EVC2: variants seen among roughly 807,000 people sequenced by gnomAD.
EVC2 encodes EvC ciliary complex subunit 2.
In EVC2, 148 loss-of-function variants were observed where a neutral mutation model predicts 149.3. The ratio of observed to expected loss-of-function variants is 0.99; its 90% CI spans 0.87 to 1.14. The LOEUF is 1.14. Ranked by LOEUF, EVC2 falls within the 50% of genes most tolerant of loss-of-function variation. EVC2 has a pLI of 0.00. For synonymous variants in EVC2, 776 were observed against 649.9 expected, an observed-to-expected ratio of 1.19 and a Z score of -2.95; for missense variants, 1,854 against 1,627.3, an observed-to-expected ratio of 1.14 and a Z score of -2.40.
intron 16 of EVC2, 128 bp downstream of exon 16, chr4:5,615,294 T>C: frequency 6.8e-7 from 1 of 1,470,622 alleles, no homozygotes; most frequent in African/African-American, 1.4e-5. Flanking sequence ...AGCACCTGAG[T>C]GAGTGAGCGG....
intron 4 of EVC2, 106 bp from the exon 5 acceptor site, chr4:5,689,449 G>A (rs1162369378): frequency 9.0e-7 from 1 of 1,105,482 alleles, no homozygotes; most frequent in African/African-American, 1.5e-5. Context: ...GGAAGAAGGA[G>A]GGTAGCACGG....
intron 20 of EVC2, 82 bp from the exon 21 acceptor site, chr4:5,565,441 C>G: frequency 7.7e-7 from 1 of 1,306,834 alleles, no homozygotes. Flanking sequence ...AAGGCAGAGG[C>G]GGGCAGATCA....
chr4:5,542,384 G>C (rs1297836736), downstream of EVC2, among the ~76,000 whole-genome samples: 1 of 152,230 alleles, frequency 6.6e-6, no homozygotes, highest in African/African-American at 2.4e-5. Context: ...GAGCCTGGGA[G>C]TTTGAGGCTG....
At chr4:5,596,953 T>C (rs1577136564) in intron 16 of EVC2, among the ~76,000 whole-genome samples, 2 of 152,204 alleles carry the variant, frequency 1.3e-5, no homozygotes, top group South Asian at 4.1e-4. Flanking sequence ...GCAAATAAAC[T>C]AGAAAATCTA....
chr4:5,605,200 G>C lies in EVC2; in HGVS notation c.2829+10222C>G, dbSNP rs554954068. Among the ~76,000 whole-genome samples, 3 of 152,296 alleles carry C rather than the reference G, an allele frequency of 2.0e-5. 1 individual carries two copies. The highest frequency in any genetic ancestry group is 7.2e-5 in the African/African-American group (3 of 41,562). ...TAGGATAATGGCATATTTGGGGGGA[G>C]TCAGATGTTACACACGAGTTCTACT... On this transcript the variant is annotated intron_variant, in intron 16 of 21. Coordinates refer to ENST00000344408, the MANE Select transcript of EVC2 (RefSeq NM_147127.5).
At chr4:5,641,346 T>C (rs372622896) in intron 9 of EVC2, among the ~76,000 whole-genome samples, 2 of 152,322 alleles carry the variant, frequency 1.3e-5, no homozygotes, top group East Asian at 1.9e-4. Flanking sequence ...GTATCAACGT[T>C]GATTTGTTAA....
intron 21 of EVC2, among the ~76,000 whole-genome samples, chr4:5,556,927 T>C (rs1412985099): frequency 2.6e-5 from 4 of 152,122 alleles, no homozygotes; most frequent in Admixed American, 2.6e-4. Flanking sequence ...ATAAACAATC[T>C]ATAATTGGTA....
At chr4:5,557,700 T>C (rs1225459057), downstream of EVC2, among the ~76,000 whole-genome samples, 2 of 152,044 alleles carry the variant, frequency 1.3e-5, no homozygotes, top group African/African-American at 2.4e-5. Flanking sequence ...CCAAAACTAA[T>C]TGGTGAGGAT....
chr4:5,650,485 C>T lies in EVC2; in HGVS notation c.1146-9647G>A, dbSNP rs529274886. Reference sequence around the variant, plus strand: ...ACCACATGAGCTCAGATGGTTTATTCGTATCTCTGAGCCTAGTTTCCCTGT... The same window carrying T: ...ACCACATGAGCTCAGATGGTTTATTTGTATCTCTGAGCCTAGTTTCCCTGT... On this transcript the variant is annotated intron_variant, in intron 9 of 21. Coordinates refer to ENST00000344408, the MANE Select transcript of EVC2 (RefSeq NM_147127.5). Among the ~76,000 whole-genome samples, 6 of 151,646 alleles carry T rather than the reference C, an allele frequency of 4.0e-5. No individual in the cohort carries two copies. In the South Asian group the frequency reaches 8.4e-4, roughly 21 times the overall value.
Position 5,625,059 on chromosome 4 carries a change from T to C in EVC2, c.2046+690A>G, listed in dbSNP as rs187120700. Among the ~76,000 whole-genome samples the C allele has an allele frequency of 6.6e-6, 1 of 152,024 alleles. No homozygotes were observed. The highest frequency in any genetic ancestry group is 1.5e-5 in the Non-Finnish European group (1 of 67,988). On this transcript the variant is annotated intron_variant, in intron 13 of 21. Coordinates refer to ENST00000344408, the MANE Select transcript of EVC2 (RefSeq NM_147127.5). The surrounding 1 kb of genome is among the most constrained non-coding windows in gnomAD (Gnocchi z 4.0). ...GGTTCCTCAACTCCATCTGACATGG[T>C]GCTCACCTCAGCTTCCTAAATCACA...
chr4:5,564,943 A>T (rs778010312), intron 21 of EVC2, among the ~76,000 whole-genome samples: 1 of 152,240 alleles, frequency 6.6e-6, no homozygotes, highest in Non-Finnish European at 1.5e-5. Flanking sequence ...ATGCAGCAAG[A>T]CATGAAAGGG....
At chr4:5,531,050 G>T in the EVC2 span, among the ~76,000 whole-genome samples, 2 of 152,146 alleles carry the variant, frequency 1.3e-5, no homozygotes, top group African/African-American at 4.8e-5. Flanking sequence ...CTCTGAGGGT[G>T]GTTATTACTG....
the EVC2 span, among the ~76,000 whole-genome samples, chr4:5,530,582 CATACA>C: frequency 2.0e-5 from 3 of 152,090 alleles, no homozygotes; most frequent in South Asian, 2.1e-4. Flanking sequence ...AAATGTTCAG[CATACA>C]ATACAATATT....
chr4:5,537,769 A>C, the EVC2 span, among the ~76,000 whole-genome samples: 1 of 152,156 alleles, frequency 6.6e-6, no homozygotes, highest in Non-Finnish European at 1.5e-5. Flanking sequence ...ACATTATTGA[A>C]ATTTGTGGAT....
intron 17 of EVC2, among the ~76,000 whole-genome samples, chr4:5,582,529 CTTGT>C (rs776754781): frequency 6.6e-6 from 1 of 152,194 alleles, no homozygotes; most frequent in Non-Finnish European, 1.5e-5. Context: ...AAGTAACTAA[CTTGT>C]TTTTTAATTT....
At chr4:5,550,294 A>G (rs1721711408) in intron 21 of EVC2, among the ~76,000 whole-genome samples, 1 of 152,164 alleles carries the variant, frequency 6.6e-6, no homozygotes. Flanking sequence ...AATGGCTTTG[A>G]CCAAAATACT....
intron 21 of EVC2, among the ~76,000 whole-genome samples, chr4:5,550,708 G>C (rs1156328487): frequency 2.6e-5 from 4 of 152,244 alleles, no homozygotes; most frequent in Non-Finnish European, 5.9e-5. Flanking sequence ...TGGGGAAAAT[G>C]TCTCCAGGGC....
rs191924605 is a variant in EVC2 at position 5,573,210 on chromosome 4, T to C, written c.3360+1475A>G. Among the ~76,000 whole-genome samples, 200 of 152,292 alleles carry C rather than the reference T, an allele frequency of 1.3e-3. 1 individual carries two copies. Among genetic ancestry groups the C allele is most frequent in the African/African-American group, 4.7e-3 (194 of 41,562 alleles). On this transcript the variant is annotated intron_variant, in intron 19 of 21. Coordinates refer to ENST00000344408, the MANE Select transcript of EVC2 (RefSeq NM_147127.5). Reference sequence around the variant, plus strand: ...TGTCCCATCCTGGGACCTGCGAAGATGTCACCTTATAAGGCGAAGGGTACT... The same window carrying C: ...TGTCCCATCCTGGGACCTGCGAAGACGTCACCTTATAAGGCGAAGGGTACT...
chr4:5,704,933 C>G (rs1455824567), intron 1 of EVC2, among the ~76,000 whole-genome samples: 2 of 152,030 alleles, frequency 1.3e-5, no homozygotes, highest in African/African-American at 4.8e-5. Context: ...TGCTTTTGAA[C>G]TCCTGACCTC....
Sources: allele counts gnomAD v4.1 joint callset (sites outside exome capture counted in the v4.1 genomes callset), GRCh38; gene constraint gnomAD v4.1.1; non-coding constraint Gnocchi (gnomAD v3.1); transcripts MANE v1.5; gene names NCBI Gene and HGNC (gene_info 2026-07-23, HGNC 2026-07-21).